NEBL: variants seen among roughly 807,000 people sequenced by gnomAD.
NEBL encodes the protein LIM and SH3 protein 2.
NEBL carries 122 observed loss-of-function variants against 140.2 expected under a neutral mutation model. That is an observed-to-expected ratio of 0.87 (90% confidence interval 0.75 to 1.01). NEBL has a LOEUF of 1.01. Ranked by LOEUF, NEBL falls within the 50% of genes least tolerant of loss-of-function variation. The pLI, the probability that NEBL is intolerant of heterozygous loss-of-function variation, is 0.00. For synonymous variants in NEBL, 436 were observed against 398.9 expected (o/e 1.09, Z -1.11); for missense variants, 1,365 against 1,231.3 (o/e 1.11, Z -1.62).
At chr10:21,038,389 G>A (rs780128969) in intron 2 of NEBL, among the ~76,000 whole-genome samples, 2 of 152,130 alleles carry the variant, frequency 1.3e-5, no homozygotes, top group Non-Finnish European at 2.9e-5. Flanking sequence ...AGGCCTCGGT[G>A]TGTGATATTC....
rs561378272 is a variant in NEBL, at chr10:20,815,563, C to T, written c.2241+62G>A. The T allele has an allele frequency of 1.2e-3, 1,562 of 1,266,910 alleles. 4 individuals are homozygous for T. Among genetic ancestry groups the T allele is most frequent in the Admixed American group, 2.6e-3 (154 of 59,492 alleles). The allele number at this position is 1,266,910 out of a possible 1,614,324, so 78.5% of individuals were successfully genotyped here. On this transcript the variant is annotated intron_variant, in intron 22 of 27. Coordinates refer to ENST00000377122, the MANE Select transcript of NEBL (RefSeq NM_006393.3). ...TTTTATTTTCACAAGCAAAGGAGGA[C>T]CGCAAGTAAATAATAAAAGACACAT... is the stretch of plus-strand genomic sequence containing the variant.
At chr10:21,170,975 C>T (rs987664985) in intron 2 of NEBL, among the ~76,000 whole-genome samples, 2 of 152,170 alleles carry the variant, frequency 1.3e-5, no homozygotes, top group African/African-American at 2.4e-5. Context: ...AGCCAAAAGG[C>T]CAGGGGTCCA....
chr10:21,168,046 C>T (rs1840865964), intron 2 of NEBL, among the ~76,000 whole-genome samples: 1 of 152,168 alleles, frequency 6.6e-6, no homozygotes, highest in Non-Finnish European at 1.5e-5. Context: ...GTGTACTATA[C>T]TTTGATCGTT....
chr10:20,942,296 C>T (rs1263252758), intron 4 of NEBL, among the ~76,000 whole-genome samples: 1 of 152,164 alleles, frequency 6.6e-6, no homozygotes. Flanking sequence ...ATATCTACAA[C>T]CATCTGTTCT....
intron 2 of NEBL, among the ~76,000 whole-genome samples, chr10:21,073,789 C>G (rs1029926885): frequency 6.6e-6 from 1 of 150,766 alleles, no homozygotes; most frequent in African/African-American, 2.4e-5. Context: ...GAAATGCCTA[C>G]TATAGCCAGG....
intron 2 of NEBL, among the ~76,000 whole-genome samples, chr10:21,055,419 G>A (rs1184346638): frequency 6.6e-6 from 1 of 152,168 alleles, no homozygotes; most frequent in Non-Finnish European, 1.5e-5. Context: ...CAAAGCCACA[G>A]ATCTTTTAAC....
At chr10:21,258,637 G>C (rs534787576) in intron 1 of NEBL, among the ~76,000 whole-genome samples, 1 of 150,884 alleles carries the variant, frequency 6.6e-6, no homozygotes, top group African/African-American at 2.4e-5. Context: ...CCCAGGAGAC[G>C]GAGGTTGCAG....
intron 1 of NEBL, among the ~76,000 whole-genome samples, chr10:21,262,132 A>G (rs574643328): frequency 1.3e-5 from 2 of 152,310 alleles, no homozygotes; most frequent in South Asian, 4.1e-4. Flanking sequence ...TCCCTGGCTT[A>G]GCTGGCAAAT....
At chr10:20,841,192 C>G (rs888643387) in intron 12 of NEBL, among the ~76,000 whole-genome samples, 9 of 151,898 alleles carry the variant, frequency 5.9e-5, no homozygotes, top group African/African-American at 2.2e-4. Context: ...TTTGAAAGTT[C>G]TATAAAACAT....
chr10:21,257,768 C>G (rs1002115253), intron 1 of NEBL, among the ~76,000 whole-genome samples: 5 of 151,956 alleles, frequency 3.3e-5, no homozygotes, highest in African/African-American at 9.7e-5. Context: ...ACCTGTAGTC[C>G]CAGCTACTTG....
At chr10:20,821,843 C>T (rs943585285) in intron 19 of NEBL, among the ~76,000 whole-genome samples, 2 of 152,200 alleles carry the variant, frequency 1.3e-5, no homozygotes, top group Non-Finnish European at 2.9e-5. Flanking sequence ...GTACTCATCA[C>T]ACTAAACCCT....
intron 20 of NEBL, among the ~76,000 whole-genome samples, chr10:20,817,911 C>G (rs943735080): frequency 6.6e-6 from 1 of 152,176 alleles, no homozygotes; most frequent in African/African-American, 2.4e-5. Flanking sequence ...TCAATAAATG[C>G]TTTCCTCTTC....
At position 20,857,484 on chromosome 10, in the gene NEBL, A is replaced by C. The variant is rs1271258778; in HGVS notation, c.903+756T>G. On this transcript the variant is annotated intron_variant, in intron 9 of 27. Coordinates refer to ENST00000377122, the MANE Select transcript of NEBL (RefSeq NM_006393.3). ...ATTAATTTTGAGCAAGTGAGTGAGA[A>C]AGTGATTATTAAAATAGGTATGGAA... Among the ~76,000 whole-genome samples the C allele has an allele frequency of 2.0e-5, 3 of 152,190 alleles. No homozygotes were observed. The East Asian group carries it at 5.8e-4, about 29-fold the overall frequency.
At chr10:21,187,397 G>A (rs949336793) in intron 3 of NEBL, among the ~76,000 whole-genome samples, 11 of 152,060 alleles carry the variant, frequency 7.2e-5, no homozygotes, top group Admixed American at 3.9e-4. Flanking sequence ...TTTCCCCCAC[G>A]GGGATGACGT....
intron 3 of NEBL, among the ~76,000 whole-genome samples, chr10:21,181,872 T>C (rs7099403): frequency 0.43 from 64,773 of 152,058 alleles, 16,607 homozygotes; most frequent in East Asian, 0.75. Context: ...GAAAAACATG[T>C]TGACTGGCCC....
At chr10:21,118,865 T>C (rs957173174) in intron 2 of NEBL, among the ~76,000 whole-genome samples, 15 of 152,164 alleles carry the variant, frequency 9.9e-5, no homozygotes, top group Admixed American at 4.6e-4. Flanking sequence ...AAATACAACA[T>C]TGGGTGTTAC....
chr10:21,010,509 C>T (rs1275447953), intron 3 of NEBL, among the ~76,000 whole-genome samples: 1 of 151,466 alleles, frequency 6.6e-6, no homozygotes, highest in Non-Finnish European at 1.5e-5. Context: ...CCACCTCGAA[C>T]TCCCAAAGCA....
chr10:21,137,322 C>A (rs369462358), intron 2 of NEBL, among the ~76,000 whole-genome samples: 1 of 152,170 alleles, frequency 6.6e-6, no homozygotes, highest in African/African-American at 2.4e-5. Context: ...AAATATCCAT[C>A]CAAACAACTG....
chr10:21,097,755 T>A (rs1171210732), intron 2 of NEBL, among the ~76,000 whole-genome samples: 1 of 152,158 alleles, frequency 6.6e-6, no homozygotes, highest in African/African-American at 2.4e-5. Flanking sequence ...AAGCAACGAC[T>A]TCAATCACCA....
Sources: gnomAD v4.1 joint callset for allele counts (sites outside exome capture counted in the v4.1 genomes callset) on GRCh38, gnomAD v4.1.1 for gene constraint, MANE v1.5 for transcripts, NCBI Gene and HGNC (gene_info 2026-07-23, HGNC 2026-07-21) for gene names.